CNTNAP2: variants seen among roughly 807,000 people sequenced by gnomAD.
CNTNAP2 encodes contactin associated protein 2, also known as contactin-associated protein-like 2.
In CNTNAP2, 98 loss-of-function variants were observed where a neutral mutation model predicts 155.2. The ratio of observed to expected loss-of-function variants is 0.63; its 90% confidence interval spans 0.54 to 0.75. The LOEUF is 0.75. CNTNAP2 is among the 30% of genes least tolerant of loss of function. CNTNAP2 has a pLI of 0.00. For missense variants in CNTNAP2, 1,727 were observed against 1,688.1 expected, an observed-to-expected ratio of 1.02 and a Z score of -0.40; for synonymous variants, 651 against 631.2, an observed-to-expected ratio of 1.03 and a Z score of -0.47.
At chr7:147,482,303 A>AAT (rs35319123) in intron 10 of CNTNAP2, among the ~76,000 whole-genome samples, 211 of 152,082 alleles carry the variant, frequency 1.4e-3, no homozygotes, top group Non-Finnish European at 2.3e-3. Context: ...TAACTTTTAA[A>AAT]ATATATATAT....
chr7:147,431,889 T>C lies in CNTNAP2; in HGVS notation c.1670+36109T>C, dbSNP rs144564750. Among the ~76,000 whole-genome samples the C allele has an allele frequency of 8.8e-4, 134 of 152,358 alleles. 4 individuals carry two copies. In the East Asian group the frequency reaches 0.021, roughly 24 times the overall value. Reference sequence around the variant, plus strand: ...GGCTCTGCACTAAGCACTTTCTCTTTGTTCTTTAACTTCTTCCATGGATTT... The same window carrying C: ...GGCTCTGCACTAAGCACTTTCTCTTCGTTCTTTAACTTCTTCCATGGATTT... On this transcript the variant is annotated intron_variant, in intron 10 of 23. Coordinates refer to ENST00000361727, the MANE Select transcript of CNTNAP2 (RefSeq NM_014141.6).
chr7:146,855,806 AGT>A (rs1491310737), intron 3 of CNTNAP2, among the ~76,000 whole-genome samples: 9 of 44,354 alleles, frequency 2.0e-4, no homozygotes, highest in Admixed American at 3.3e-4. Context: ...TGTGTTAATG[AGT>A]ATATATATAT....
chr7:146,697,010 A>G (rs1235400406), intron 1 of CNTNAP2, among the ~76,000 whole-genome samples: 1 of 152,138 alleles, frequency 6.6e-6, no homozygotes, highest in Admixed American at 6.6e-5. Context: ...AATTAAAACC[A>G]GTTAATTGTT....
chr7:146,704,984 C>T (rs1014814003), intron 1 of CNTNAP2, among the ~76,000 whole-genome samples: 2 of 152,110 alleles, frequency 1.3e-5, no homozygotes, highest in African/African-American at 4.8e-5. Context: ...ATTTCTGGCA[C>T]ATCAAATGAT....
intron 1 of CNTNAP2, among the ~76,000 whole-genome samples, chr7:146,477,686 T>C (rs1352469010): frequency 6.6e-6 from 1 of 150,772 alleles, no homozygotes; most frequent in Non-Finnish European, 1.5e-5. Flanking sequence ...TCTTCTGGAT[T>C]GTATACTAAA....
At chr7:148,217,597 A>G (rs1414294636) in intron 19 of CNTNAP2, 73 bp downstream of exon 19, 3 of 1,505,330 alleles carry the variant, frequency 2.0e-6, no homozygotes, top group African/African-American at 2.8e-5. Context: ...GAGTCTATAG[A>G]TTGTTCTTGG....
chr7:146,630,568 A>G (rs929567376), intron 1 of CNTNAP2, among the ~76,000 whole-genome samples: 4 of 152,132 alleles, frequency 2.6e-5, no homozygotes, highest in Non-Finnish European at 4.4e-5. Flanking sequence ...GTCTTCCACA[A>G]TGGTTGAACT....
chr7:148,011,135 T>G (rs1802074008), intron 15 of CNTNAP2, among the ~76,000 whole-genome samples: 1 of 152,138 alleles, frequency 6.6e-6, no homozygotes, highest in Admixed American at 6.6e-5. Context: ...TAGCTTCTGT[T>G]TTTTGAAATT....
At chr7:147,744,866 C>T (rs1797012742) in intron 13 of CNTNAP2, among the ~76,000 whole-genome samples, 2 of 152,096 alleles carry the variant, frequency 1.3e-5, no homozygotes, top group African/African-American at 4.8e-5. Context: ...CTTAAAGGCC[C>T]ATCTCCAAAT....
chr7:147,960,581 T>A (rs1250804228), intron 14 of CNTNAP2, among the ~76,000 whole-genome samples: 2 of 152,188 alleles, frequency 1.3e-5, no homozygotes, highest in East Asian at 3.9e-4. Flanking sequence ...TCCTGTACAT[T>A]GTAATTGTAC....
intron 3 of CNTNAP2, among the ~76,000 whole-genome samples, chr7:146,967,928 A>G (rs180912979): frequency 0.021 from 3,150 of 151,356 alleles, 56 homozygotes; most frequent in Non-Finnish European, 0.034. Context: ...CGCATTCAGT[A>G]TGATATTGGC....
At chr7:146,623,011 G>A (rs1443434077) in intron 1 of CNTNAP2, among the ~76,000 whole-genome samples, 1 of 150,958 alleles carries the variant, frequency 6.6e-6, no homozygotes, top group Non-Finnish European at 1.5e-5. Flanking sequence ...TCCTACCATT[G>A]CCATCAATTT....
chr7:148,017,321 C>G lies in CNTNAP2; in HGVS notation c.2383+39332C>G. Among the ~76,000 whole-genome samples the G allele has an allele frequency of 1.3e-5, 2 of 152,108 alleles. 1 individual carries two copies. The highest frequency in any genetic ancestry group is 2.9e-5 in the Non-Finnish European group (2 of 68,018). On this transcript the variant is annotated intron_variant, in intron 15 of 23. Coordinates refer to ENST00000361727, the MANE Select transcript of CNTNAP2 (RefSeq NM_014141.6). Reference sequence around the variant, plus strand: ...AGTTATGAAACTTATCACAGTTCATCTGATAAACTACATTTTAGTAAACAT... The same window carrying G: ...AGTTATGAAACTTATCACAGTTCATGTGATAAACTACATTTTAGTAAACAT...
intron 1 of CNTNAP2, among the ~76,000 whole-genome samples, chr7:146,139,624 T>C (rs1562965236): frequency 6.6e-6 from 1 of 152,168 alleles, no homozygotes; most frequent in Non-Finnish European, 1.5e-5. Flanking sequence ...GCTGTTGAGT[T>C]ATCATTCTTT....
At chr7:146,610,380 A>G (rs553937461) in intron 1 of CNTNAP2, among the ~76,000 whole-genome samples, 13 of 152,162 alleles carry the variant, frequency 8.5e-5, no homozygotes. Context: ...GAGAACCTGC[A>G]TGTTCGGAAC....
At chr7:146,772,818 A>G (rs1443535474) in intron 1 of CNTNAP2, among the ~76,000 whole-genome samples, 6 of 152,210 alleles carry the variant, frequency 3.9e-5, no homozygotes, top group African/African-American at 1.4e-4. Context: ...GGTACTTTGA[A>G]CAGTAGGCCA....
At chr7:147,702,070 T>G (rs144929584) in intron 13 of CNTNAP2, among the ~76,000 whole-genome samples, 2,503 of 150,958 alleles carry the variant, frequency 0.017, 232 homozygotes, top group Admixed American at 0.15. Context: ...TTTTTTTTTT[T>G]TTTTTTTCCG....
At chr7:146,874,942 A>G (rs1795390212) in intron 3 of CNTNAP2, among the ~76,000 whole-genome samples, 1 of 152,160 alleles carries the variant, frequency 6.6e-6, no homozygotes, top group Non-Finnish European at 1.5e-5. Context: ...ATTTCTCTTG[A>G]TCAGAATAGG....
intron 1 of CNTNAP2, among the ~76,000 whole-genome samples, chr7:146,355,822 A>T (rs1338803660): frequency 6.6e-6 from 1 of 151,982 alleles, no homozygotes; most frequent in Non-Finnish European, 1.5e-5. Flanking sequence ...ATGTCTATTG[A>T]CCCAACTGGT....
Sources: allele counts gnomAD v4.1 joint callset (sites outside exome capture counted in the v4.1 genomes callset), GRCh38; gene constraint gnomAD v4.1.1; transcripts MANE v1.5; gene names NCBI Gene and HGNC (gene_info 2026-07-23, HGNC 2026-07-21).